The following SLC1A2 variants were observed in gnomAD, a reference collection of about 807,000 sequenced individuals.
SLC1A2 encodes the protein solute carrier family 1 member 2.
In SLC1A2, 15 loss-of-function variants were observed where a neutral mutation model predicts 48.8. The ratio of observed to expected loss-of-function variants is 0.31; its 90% CI spans 0.21 to 0.47. SLC1A2 has a LOEUF of 0.47. Among genes scored for constraint, SLC1A2 ranks in the 20% least tolerant of loss-of-function variants. SLC1A2 has a pLI of 0.99. For synonymous variants in SLC1A2, 279 were observed against 272.6 expected (o/e 1.02, Z -0.23); for missense variants, 502 against 730.5 (o/e 0.69, Z 3.61).
At chr11:35,308,788 C>T (rs1851593395) in intron 4 of SLC1A2, among the ~76,000 whole-genome samples, 1 of 152,188 alleles carries the variant, frequency 6.6e-6, no homozygotes. Context: ...TCCAGTCTCC[C>T]TGTCCCTAAG....
intron 1 of SLC1A2, among the ~76,000 whole-genome samples, chr11:35,389,828 G>A (rs1445362096): frequency 2.6e-5 from 4 of 151,954 alleles, no homozygotes; most frequent in Admixed American, 2.6e-4. Flanking sequence ...GCCCAGGCTG[G>A]TCTCAAACTC....
At chr11:35,276,253 A>G (rs1422766553) in intron 9 of SLC1A2, among the ~76,000 whole-genome samples, 1 of 152,154 alleles carries the variant, frequency 6.6e-6, no homozygotes, top group Non-Finnish European at 1.5e-5. Flanking sequence ...TTAGATAGTA[A>G]GTGCAGAGCT....
At chr11:35,378,299 G>A (rs551853975) in intron 1 of SLC1A2, among the ~76,000 whole-genome samples, 20 of 152,366 alleles carry the variant, frequency 1.3e-4, no homozygotes, top group East Asian at 5.8e-4. Flanking sequence ...ATTCTGAAAC[G>A]TTGTTTGGGT....
intron 6 of SLC1A2, among the ~76,000 whole-genome samples, chr11:35,294,186 T>C (rs7106060): frequency 0.077 from 11,674 of 152,196 alleles, 1,461 homozygotes; most frequent in African/African-American, 0.27. Flanking sequence ...GCAAGATGAT[T>C]TTATAGCAAC....
rs1180052151 is a variant in SLC1A2, at chr11:35,253,995, G to A, written c.*6899C>T. ...GCTCTTTATAAATAATAGCAAACAA[G>A]CTAGGGGATTTGTTTAAAAAAATGT... is the stretch of plus-strand genomic sequence containing the variant. On this transcript the variant is annotated 3_prime_UTR_variant, in exon 11 of 11. Coordinates refer to ENST00000278379, the MANE Select transcript of SLC1A2 (RefSeq NM_004171.4). 6.6e-6 allele frequency: 1 copy of A among 152,268 alleles called. No homozygotes were observed. The highest frequency in any genetic ancestry group is 1.5e-5 in the Non-Finnish European group (1 of 68,004). 9.4% of individuals were successfully genotyped at this position (152,268 alleles called of 1,614,324 possible).
At chr11:35,345,120 C>T (rs1271871949) in intron 1 of SLC1A2, among the ~76,000 whole-genome samples, 1 of 152,182 alleles carries the variant, frequency 6.6e-6, no homozygotes, top group African/African-American at 2.4e-5. Flanking sequence ...CATGCTGAAC[C>T]CAAGCAATCC....
chr11:35,265,280 G>T, intron 10 of SLC1A2: 3 of 546,286 alleles, frequency 5.5e-6, no homozygotes, highest in Non-Finnish European at 6.4e-6. Context: ...AACCCGAATG[G>T]TTGTTTCACA....
chr11:35,317,196 T>C (rs2273688), intron 2 of SLC1A2, 181 bp downstream of exon 2: 442,612 of 569,976 alleles, frequency 0.78, 173,785 homozygotes, highest in East Asian at 0.95. Flanking sequence ...CAAAGGAGAA[T>C]GAATGGCTAG....
chr11:35,285,145 T>C (rs936962733), intron 8 of SLC1A2, among the ~76,000 whole-genome samples: 8 of 152,196 alleles, frequency 5.3e-5, no homozygotes, highest in Admixed American at 2.0e-4. Context: ...AAAACACTAT[T>C]CTAATGTCTT....
intron 1 of SLC1A2, among the ~76,000 whole-genome samples, chr11:35,386,387 T>C (rs1210731795): frequency 6.6e-6 from 1 of 152,172 alleles, no homozygotes; most frequent in African/African-American, 2.4e-5. Flanking sequence ...GGTTTCCAGA[T>C]ACCTGTAGAC....
intron 1 of SLC1A2, among the ~76,000 whole-genome samples, chr11:35,326,061 G>C (rs1006731218): frequency 6.6e-6 from 1 of 151,690 alleles, no homozygotes; most frequent in African/African-American, 2.4e-5. Context: ...GTTCTTTTCT[G>C]CTGGTGGTTG....
intron 1 of SLC1A2, among the ~76,000 whole-genome samples, chr11:35,381,740 T>C (rs370244263): frequency 6.6e-6 from 1 of 152,158 alleles, no homozygotes; most frequent in Non-Finnish European, 1.5e-5. Context: ...AGGCGGGAAA[T>C]TCCAACCTGA....
chr11:35,311,925 G>A (rs200991363), intron 4 of SLC1A2, among the ~76,000 whole-genome samples: 119 of 7,066 alleles, frequency 0.017, 17 homozygotes, highest in African/African-American at 0.066. Context: ...AGAGAGAGGC[G>A]GGGGGGGGGG....
intron 9 of SLC1A2, 94 bp from the exon 10 acceptor site, chr11:35,265,852 G>A: frequency 1.4e-6 from 1 of 731,696 alleles, no homozygotes; most frequent in Admixed American, 2.5e-5. Flanking sequence ...ATAGGGTTGA[G>A]TACTGGCTCT....
intron 1 of SLC1A2, among the ~76,000 whole-genome samples, chr11:35,350,246 T>G (rs1853199270): frequency 6.6e-6 from 1 of 152,230 alleles, no homozygotes; most frequent in South Asian, 2.1e-4. Flanking sequence ...CTGCCTTTAA[T>G]TTTCTTTTTC....
chr11:35,261,719 G>A, intron 10 of SLC1A2: 1 of 398,502 alleles, frequency 2.5e-6, no homozygotes, highest in Non-Finnish European at 4.4e-6. Context: ...ACCCACGACT[G>A]ATATTCCACA....
chr11:35,312,130 T>C, intron 4 of SLC1A2, 68 bp downstream of exon 4: 2 of 1,528,418 alleles, frequency 1.3e-6, no homozygotes, highest in South Asian at 2.3e-5. Flanking sequence ...TCTGTTAAAA[T>C]ACTCTTAAGT....
chr11:35,279,735 T>C (rs1393087095), intron 9 of SLC1A2, among the ~76,000 whole-genome samples: 1 of 152,238 alleles, frequency 6.6e-6, no homozygotes, highest in Non-Finnish European at 1.5e-5. Context: ...TTTACCTCTA[T>C]AAACCTCAGT....
In SLC1A2 at chr11:35,260,925, A is replaced by T; in HGVS notation, c.1694T>A (p.Val565Asp). Reference protein sequence around the residue: ...AANGKSADCSVEEEPWKREK With the variant: ...AANGKSADCSDEEEPWKREK ...CTCACGTTTCCAAGGTTCTTCCTCA[A>T]CACTGCAGTCGGCTGACTTTCCATT... The change falls in exon 11 of 11, where the codon GTT becomes GAT. Residue 565 changes from valine (V) to aspartate (D), a missense_variant. This residue lies in a region of SLC1A2 where 102 missense variants were observed against 107.2 expected (regional missense o/e 0.95). Coordinates refer to ENST00000278379, the MANE Select transcript of SLC1A2 (RefSeq NM_004171.4). 6.2e-7 allele frequency: 1 copy of T among 1,613,866 alleles called. No individual in the cohort carries two copies. Among genetic ancestry groups the T allele is most frequent in the Non-Finnish European group, 8.5e-7 (1 of 1,179,764 alleles).
Sources: allele counts gnomAD v4.1 joint callset (sites outside exome capture counted in the v4.1 genomes callset), GRCh38; gene constraint gnomAD v4.1.1; regional missense constraint gnomAD v4.1.1; transcripts MANE v1.5; gene names NCBI Gene and HGNC (gene_info 2026-07-23, HGNC 2026-07-21).